LBP: variants seen among roughly 807,000 people sequenced by gnomAD.
LBP encodes lipopolysaccharide binding protein, also known as lipopolysaccharide-binding protein.
Under a neutral mutation model 56.6 loss-of-function variants are expected in LBP, and 53 were observed. The ratio of observed to expected loss-of-function variants is 0.94; its 90% CI spans 0.75 to 1.18. The LOEUF is 1.18. Ranked by LOEUF, LBP falls within the 50% of genes most tolerant of loss-of-function variation. The pLI, the probability that LBP is intolerant of heterozygous loss-of-function variation, is 0.00. For synonymous variants in LBP, 227 were observed against 247.5 expected (o/e 0.92, Z 0.78); for missense variants, 601 against 598.3 (o/e 1.00, Z -0.05).
Position 38,370,810 on chromosome 20 carries a change from GT to G in LBP, c.1217+7del. 1 of 1,613,352 alleles carries G rather than the reference GT, an allele frequency of 6.2e-7. No homozygotes were observed. The highest frequency in any genetic ancestry group is 1.7e-4 in the Middle Eastern group (1 of 6,060). ...TGGGTTCCTGAAGCCAGGAAAGTAA[GT>G]TGGCCTCCTACCTACATGGGGGTGC... On this transcript the variant is annotated splice_donor_region_variant and intron_variant, in intron 11 of 14. Transcript: ENST00000217407.
rs113672040 is a variant in LBP at position 38,360,113 on chromosome 20, G to A, written c.589-591G>A. ...CTAAATATATAACAATTAGCTGGGC[G>A]TGGTGGCACATGCCTGTGATCCCAG... is the stretch of plus-strand genomic sequence containing the variant. On this transcript the variant is annotated intron_variant, in intron 5 of 14. Coordinates refer to ENST00000217407, the MANE Select transcript of LBP (RefSeq NM_004139.5). Among the ~76,000 whole-genome samples, 794 of 152,148 alleles carry A rather than the reference G, an allele frequency of 5.2e-3. 7 individuals are homozygous for A. Among genetic ancestry groups the A allele is most frequent in the African/African-American group, 0.018 (748 of 41,498 alleles).
chr20:38,349,597 G>C lies in LBP; in HGVS notation c.174G>C (p.Thr58=), dbSNP rs745550661. ...TGCAGAGTGAGCTGCTCAGGATCACGCTGCCTGACTTCACCGGGGACTTGA... is the reference window on the plus strand; with the variant it reads ...TGCAGAGTGAGCTGCTCAGGATCACCCTGCCTGACTTCACCGGGGACTTGA... ...LALQSELLRI[T]LPDFTGDLRI... is the part of the protein sequence containing the mutation. The change falls in exon 2 of 15, where the codon ACG becomes ACC. Residue 58 remains threonine, a synonymous_variant. Coordinates refer to ENST00000217407, the MANE Select transcript of LBP (RefSeq NM_004139.5). The C allele has an allele frequency of 1.9e-6, 3 of 1,611,798 alleles. No individual in the cohort carries two copies. The African/African-American group carries it at 4.0e-5, about 22-fold the overall frequency.
rs530943453 is a variant in LBP, at chr20:38,376,846, C to G, written c.*177C>G. The G allele has an allele frequency of 3.4e-4, 247 of 720,738 alleles. 4 individuals are homozygous for G. Among genetic ancestry groups the G allele is most frequent in the South Asian group, 3.1e-3 (216 of 69,450 alleles). 44.6% of individuals were successfully genotyped at this position (720,738 alleles called of 1,614,324 possible). ...CCTCTTCACCAGGTGCATGCATGCC[C>G]TCTCTGAGTCTGGACTTTGCTTCCC... On this transcript the variant is annotated 3_prime_UTR_variant, in exon 15 of 15. Transcript: ENST00000217407.
In LBP at chr20:38,364,644, G is replaced by C. The variant is rs1314251521; in HGVS notation, c.813G>C (p.Glu271Asp). Residue 271 changes from glutamate (E) to aspartate (D), a missense_variant, in exon 8 of 15, where the codon GAG (glutamate) becomes GAC (aspartate). Glu to Asp is a conservative substitution (Grantham distance 45). Coordinates refer to ENST00000217407, the MANE Select transcript of LBP (RefSeq NM_004139.5). ...TLLAAVMSLPEEHNKMVYFAI... is the reference protein window; with the variant it reads ...TLLAAVMSLPDEHNKMVYFAI... ...TTGCTGCAGTCATGAGCCTTCCTGA[G>C]GAACACAACAAAATGGTCTACTTTG... is the stretch of plus-strand genomic sequence containing the variant. The C allele has an allele frequency of 1.2e-6, 2 of 1,613,918 alleles. No homozygotes were observed. Among genetic ancestry groups the C allele is most frequent in the African/African-American group, 2.7e-5 (2 of 74,878 alleles).
At chr20:38,359,155 A>T (rs1271235024) in intron 5 of LBP, among the ~76,000 whole-genome samples, 1 of 151,204 alleles carries the variant, frequency 6.6e-6, no homozygotes, top group Non-Finnish European at 1.5e-5. Context: ...TCCTCCTAAG[A>T]TTTTCTGTTG....
Position 38,350,956 on chromosome 20 carries a change from C to G in LBP, c.368+17C>G. 1 of 1,611,310 alleles carries G rather than the reference C, an allele frequency of 6.2e-7. No individual in the cohort carries two copies. Among genetic ancestry groups the G allele is most frequent in the Non-Finnish European group, 8.5e-7 (1 of 1,178,016 alleles). The stretch of plus-strand genomic sequence containing the variant: ...GTCATTCTTGTAAGTTGGCTCTGCT[C>G]CCAGGCCCTGGAGCTCTTGGCCTTG... On this transcript the variant is annotated intron_variant, in intron 3 of 14. Coordinates refer to ENST00000217407, the MANE Select transcript of LBP (RefSeq NM_004139.5).
chr20:38,372,592 A>G (rs1181087385), intron 12 of LBP, among the ~76,000 whole-genome samples: 1 of 152,170 alleles, frequency 6.6e-6, no homozygotes, highest in South Asian at 2.1e-4. Flanking sequence ...TGTAGGCCTC[A>G]GTTTCCCGAT....
Position 38,373,917 on chromosome 20 carries a change from T to A in LBP, c.1325-20T>A, listed in dbSNP as rs761304382. The A allele has an allele frequency of 2.5e-6, 4 of 1,608,108 alleles. No individual in the cohort carries two copies. The Admixed American group carries it at 5.0e-5, about 20-fold the overall frequency. ...TTATTTATTCACCAATCTCTTTCAA[T>A]GTTGTGCTTCAACCTCTAGATAAGT... On this transcript the variant is annotated intron_variant, in intron 13 of 14. Transcript: ENST00000217407.
chr20:38,355,239 T>A, intron 4 of LBP, 107 bp from the exon 5 acceptor site: 1 of 962,534 alleles, frequency 1.0e-6, no homozygotes, highest in Non-Finnish European at 1.7e-6. Context: ...CGGGAAGGGG[T>A]GGAGAGGGCT....
At chr20:38,369,246 C>T (rs1213392047) in intron 10 of LBP, 84 bp downstream of exon 10, 1 of 1,332,492 alleles carries the variant, frequency 7.5e-7, no homozygotes, top group African/African-American at 1.5e-5. Context: ...TCCCCACTCA[C>T]CACCTGGGTA....
intron 5 of LBP, 53 bp downstream of exon 5, chr20:38,355,462 A>C: frequency 6.8e-7 from 1 of 1,480,424 alleles, no homozygotes; most frequent in Non-Finnish European, 9.4e-7. Context: ...GGCTGAATGG[A>C]AGACCTCACT....
Position 38,350,902 on chromosome 20 carries a change from C to T in LBP, c.331C>T (p.Arg111Trp), listed in dbSNP as rs61735370. The T allele has an allele frequency of 1.2e-4, 200 of 1,613,948 alleles. 1 individual carries two copies. The highest frequency in any genetic ancestry group is 4.1e-4 in the South Asian group (37 of 91,080). ...TCTCAGCATCTCCGACTCCTCCATC[C>T]GGGTCCAGGGCAGGTGGAAGGTGCG... ...LSLSISDSSI[R>W]VQGRWKVRKS... The change falls in exon 3 of 15, where the codon CGG (arginine) becomes TGG (tryptophan). Residue 111 changes from arginine (R) to tryptophan (W), a missense_variant. By Grantham distance (101) the Arg-to-Trp change is moderately radical (BLOSUM62 -3). Transcript: ENST00000217407.
At position 38,354,442 on chromosome 20, in the gene LBP, A is replaced by G; in HGVS notation, c.524+3A>G. 9 of 1,608,768 alleles carry G rather than the reference A, an allele frequency of 5.6e-6. No individual in the cohort carries two copies. The highest frequency in any genetic ancestry group is 7.6e-6 in the Non-Finnish European group (9 of 1,177,372). ...GTGGACATGTCGGGAGACTTGGGGT[A>G]GGTCTCCATCGGGGCACTGCCAGCT... On this transcript the variant is annotated splice_donor_region_variant and intron_variant, in intron 4 of 14. Coordinates refer to ENST00000217407, the MANE Select transcript of LBP (RefSeq NM_004139.5).
At chr20:38,374,668 C>T (rs982315808) in intron 14 of LBP, among the ~76,000 whole-genome samples, 1 of 150,986 alleles carries the variant, frequency 6.6e-6, no homozygotes, top group Non-Finnish European at 1.5e-5. Flanking sequence ...AGGTCAGGTT[C>T]TGAAAGTCAT....
At chr20:38,356,950 G>A (rs557025533) in intron 5 of LBP, among the ~76,000 whole-genome samples, 14 of 152,192 alleles carry the variant, frequency 9.2e-5, no homozygotes, top group African/African-American at 3.1e-4. Flanking sequence ...CCACCTCCCA[G>A]GTTCAAGCAA....
At chr20:38,367,665 C>T (rs922338753) in intron 9 of LBP, among the ~76,000 whole-genome samples, 1 of 152,166 alleles carries the variant, frequency 6.6e-6, no homozygotes, top group Non-Finnish European at 1.5e-5. Context: ...TATCTCTTAT[C>T]TGAAATGCTT....
At chr20:38,362,357 A>G (rs1484147491) in intron 6 of LBP, among the ~76,000 whole-genome samples, 3 of 143,664 alleles carry the variant, frequency 2.1e-5, no homozygotes, top group South Asian at 2.4e-4. Flanking sequence ...TCACGCCTGT[A>G]ATCCCAACAT....
At chr20:38,354,835 C>T (rs558222051) in intron 4 of LBP, among the ~76,000 whole-genome samples, 1 of 152,254 alleles carries the variant, frequency 6.6e-6, no homozygotes, top group African/African-American at 2.4e-5. Flanking sequence ...GTAATCCTAA[C>T]AATTTGAGAC....
chr20:38,374,122 GA>G (rs2122629649), intron 14 of LBP, 109 bp downstream of exon 14: 2 of 1,168,560 alleles, frequency 1.7e-6, no homozygotes, highest in East Asian at 4.8e-5. Context: ...CTGCAGCTGG[GA>G]AAGTCTGGCC....
Sources: gnomAD v4.1 joint callset for allele counts (sites outside exome capture counted in the v4.1 genomes callset) on GRCh38, gnomAD v4.1.1 for gene constraint, MANE v1.5 for transcripts, NCBI Gene and HGNC (gene_info 2026-07-23, HGNC 2026-07-21) for gene names.